Variants in TRAPPC11 observed in about 807,000 individuals in gnomAD.
The protein encoded by TRAPPC11 is foie gras homolog.
A neutral mutation model predicts 151.2 loss-of-function variants in TRAPPC11; 104 were observed. The ratio of observed to expected loss-of-function variants is 0.69; its 90% CI spans 0.59 to 0.81. TRAPPC11 has a LOEUF of 0.81. Among genes scored for constraint, TRAPPC11 ranks in the 30% least tolerant of loss-of-function variants. TRAPPC11 has a pLI of 0.00. For missense variants in TRAPPC11, 1,230 were observed against 1,349.6 expected (o/e 0.91, Z 1.39); for synonymous variants, 456 against 472.3 (o/e 0.97, Z 0.45).
chr4:183,695,868 G>C (rs1445436534), intron 23 of TRAPPC11, among the ~76,000 whole-genome samples: 1 of 152,146 alleles, frequency 6.6e-6, no homozygotes, highest in African/African-American at 2.4e-5. Context: ...ATAATACATA[G>C]AGTCCTATAT....
chr4:183,685,572 T>C, intron 17 of TRAPPC11, among the ~76,000 whole-genome samples, 169 bp downstream of exon 17: 1 of 152,182 alleles, frequency 6.6e-6, no homozygotes, highest in East Asian at 1.9e-4. Context: ...ACAAAGGTAG[T>C]TAGGATCTTA....
chr4:183,661,098 C>T (rs923725942), intron 1 of TRAPPC11, among the ~76,000 whole-genome samples: 2 of 152,052 alleles, frequency 1.3e-5, no homozygotes, highest in Non-Finnish European at 2.9e-5. Context: ...GCCCTCATAA[C>T]TTAATCCTGT....
intron 29 of TRAPPC11, among the ~76,000 whole-genome samples, chr4:183,710,117 T>C (rs1737268663): frequency 6.6e-6 from 1 of 152,206 alleles, no homozygotes; most frequent in Admixed American, 6.5e-5. Flanking sequence ...TAACTAATAC[T>C]GAAAAGGAGA....
chr4:183,661,359 A>AC (rs1734505311), intron 1 of TRAPPC11, among the ~76,000 whole-genome samples: 1 of 113,862 alleles, frequency 8.8e-6, no homozygotes, highest in African/African-American at 3.3e-5. Flanking sequence ...GGTGTAGATT[A>AC]CCTTTTTTTT....
chr4:183,675,218 GA>G lies in TRAPPC11; in HGVS notation c.716del (p.Asp239ValfsTer6), dbSNP rs1475956176. 1.3e-6 allele frequency: 2 copies of G among 1,541,520 alleles called. No homozygotes were observed. Among genetic ancestry groups the G allele is most frequent in the Non-Finnish European group, 1.7e-6 (2 of 1,143,220 alleles). ...AGCTTTCTTCAGTGAGTTGAAACAA[GA>G]TACACAAAATGCGCTGAAGTAAGTT... ...KIAFFSELKQ[D>X]TQNALKNYRT... On this transcript the variant is annotated frameshift_variant, in exon 7 of 30. Transcript: ENST00000334690. LOFTEE classifies it high-confidence loss of function.
At chr4:183,682,962 T>G in intron 11 of TRAPPC11, 137 bp downstream of exon 11, 1 of 652,922 alleles carries the variant, frequency 1.5e-6, no homozygotes, top group Non-Finnish European at 2.7e-6. Context: ...TTGTTTTTGT[T>G]TTTAGAATGC....
chr4:183,684,804 G>A lies in TRAPPC11; in HGVS notation c.1530G>A (p.Lys510=). Residue 510 remains lysine, a synonymous_variant, in exon 15 of 30, where the codon AAG becomes AAA. Transcript: ENST00000334690. ...GCTCCTACCTCATGGCCCAATTAAA[G>A]GATTACATTACTTACTCCCTAGAAC... ...LKCSYLMAQL[K]DYITYSLELL... 2 of 1,613,768 alleles carry A rather than the reference G, an allele frequency of 1.2e-6. No homozygotes were observed. Among genetic ancestry groups the A allele is most frequent in the Non-Finnish European group, 1.7e-6 (2 of 1,179,866 alleles).
intron 23 of TRAPPC11, among the ~76,000 whole-genome samples, chr4:183,697,194 T>G (rs1332996507): frequency 6.6e-6 from 1 of 151,958 alleles, no homozygotes; most frequent in African/African-American, 2.4e-5. Flanking sequence ...CGTGGTAGTG[T>G]GCTCCTGTAG....
In TRAPPC11 at chr4:183,691,473, T is replaced by A; in HGVS notation, c.2049+2T>A. ...GAAGATGTGGGAAAGAAAATTGAGG[T>A]TAGTTATGAAATTTGTTTTAAAATA... is the stretch of plus-strand genomic sequence containing the variant. On this transcript the variant is annotated splice_donor_variant, in intron 19 of 29. Coordinates refer to ENST00000334690, the MANE Select transcript of TRAPPC11 (RefSeq NM_021942.6). LOFTEE classifies it high-confidence loss of function. The A allele has an allele frequency of 6.8e-7, 1 of 1,463,738 alleles. No individual in the cohort carries two copies. The highest frequency in any genetic ancestry group is 2.4e-5 in the East Asian group (1 of 42,150). 90.7% of individuals were successfully genotyped at this position (1,463,738 alleles called of 1,614,324 possible).
At chr4:183,679,170 ATATATAACCTTTGGTTT>A (rs1191588781) in intron 8 of TRAPPC11, among the ~76,000 whole-genome samples, 166 bp from the exon 9 acceptor site, 2 of 152,224 alleles carry the variant, frequency 1.3e-5, no homozygotes, top group Admixed American at 6.5e-5. Context: ...TCTAAAAGGG[ATATATAACCTTTGGTTT>A]TAGCATAACC....
At chr4:183,682,422 G>A (rs112169901) in intron 10 of TRAPPC11, among the ~76,000 whole-genome samples, 9 of 152,034 alleles carry the variant, frequency 5.9e-5, no homozygotes, top group Non-Finnish European at 1.2e-4. Context: ...GTATGCATGC[G>A]GAATAAATAT....
intron 8 of TRAPPC11, among the ~76,000 whole-genome samples, chr4:183,678,414 G>A (rs965338730): frequency 4.6e-5 from 7 of 151,880 alleles, no homozygotes; most frequent in African/African-American, 1.2e-4. Flanking sequence ...ACTTTAATTC[G>A]CTGTTTTTTT....
rs763400603 is a variant in TRAPPC11 at position 183,663,948 on chromosome 4, A to G, written c.81A>G (p.Val27=). The G allele has an allele frequency of 2.5e-6, 4 of 1,614,002 alleles. No individual in the cohort carries two copies. Among genetic ancestry groups the G allele is most frequent in the South Asian group, 1.1e-5 (1 of 91,080 alleles). The change falls in exon 2 of 30, where the codon GTA becomes GTG. Residue 27 remains valine (V), a synonymous_variant. Coordinates refer to ENST00000334690, the MANE Select transcript of TRAPPC11 (RefSeq NM_021942.6). The stretch of plus-strand genomic sequence containing the variant: ...TTGTTACTCTAACGGGCCTGGATGT[A>G]GTTTATAATGCAGTCCATCGAGCTG... The part of the protein sequence containing the change: ...MAFVTLTGLD[V]VYNAVHRAVW...
At position 183,700,046 on chromosome 4, in the gene TRAPPC11, G is replaced by T. The variant is rs112213536; in HGVS notation, c.2852-1651G>T. ...TCACCGTGGTCTCGATCTCCTGACC[G>T]CGTGATCTGCTCATCTCAGCCTCCC... is the stretch of plus-strand genomic sequence containing the variant. On this transcript the variant is annotated intron_variant, in intron 25 of 29. Transcript: ENST00000334690. Among the ~76,000 whole-genome samples the T allele has an allele frequency of 2.4e-3, 367 of 152,112 alleles. 1 individual carries two copies. The highest frequency in any genetic ancestry group is 8.4e-3 in the African/African-American group (348 of 41,498).
Position 183,706,850 on chromosome 4 carries a change from G to A in TRAPPC11, c.3099G>A (p.Lys1033=), listed in dbSNP as rs1016110619. Residue 1033 remains lysine, a synonymous_variant, in exon 28 of 30, where the codon AAG becomes AAA. Coordinates refer to ENST00000334690, the MANE Select transcript of TRAPPC11 (RefSeq NM_021942.6). ...GTGTCAGAGAGTCGTTACCTGTCAAGTATCACCTACAGAATAAGACCGACT... is the reference window on the plus strand; with the variant it reads ...GTGTCAGAGAGTCGTTACCTGTCAAATATCACCTACAGAATAAGACCGACT... The part of the protein sequence containing the change: ...FGRVRESLPV[K]YHLQNKTDLV... 2.5e-6 allele frequency: 4 copies of A among 1,613,958 alleles called. No homozygotes were observed. The highest frequency in any genetic ancestry group is 2.7e-5 in the African/African-American group (2 of 74,920).
At chr4:183,682,910 A>G in intron 11 of TRAPPC11, 85 bp downstream of exon 11, 2 of 875,226 alleles carry the variant, frequency 2.3e-6, no homozygotes, top group Admixed American at 2.2e-5. Context: ...CTGCACATGC[A>G]TAAGAAATTA....
intron 29 of TRAPPC11, among the ~76,000 whole-genome samples, 195 bp downstream of exon 29, chr4:183,708,769 C>T (rs930870477): frequency 3.9e-5 from 6 of 152,024 alleles, no homozygotes; most frequent in African/African-American, 1.2e-4. Context: ...GATTGTATTT[C>T]CTTAGGTAAA....
At chr4:183,686,203 C>T (rs963109208) in intron 17 of TRAPPC11, among the ~76,000 whole-genome samples, 1 of 152,172 alleles carries the variant, frequency 6.6e-6, no homozygotes, top group Non-Finnish European at 1.5e-5. Flanking sequence ...ATGCTGCGAC[C>T]TCCGTTTACC....
At chr4:183,709,715 C>T (rs989100277) in intron 29 of TRAPPC11, among the ~76,000 whole-genome samples, 19 of 152,200 alleles carry the variant, frequency 1.2e-4, no homozygotes, top group Admixed American at 1.2e-3. Flanking sequence ...GCAGAGCTTG[C>T]AGTGAGTGGA....
Sources: allele counts gnomAD v4.1 joint callset (sites outside exome capture counted in the v4.1 genomes callset), GRCh38; gene constraint gnomAD v4.1.1; transcripts MANE v1.5; gene names NCBI Gene and HGNC (gene_info 2026-07-23, HGNC 2026-07-21).